Variants in TCERG1L observed in about 807,000 individuals in gnomAD.
The protein encoded by TCERG1L is transcription elongation regulator 1 like, also known as transcription elongation regulator 1-like protein.
TCERG1L carries 37 observed loss-of-function variants against 56.3 expected under a neutral mutation model. The ratio of observed to expected loss-of-function variants is 0.66; its 90% confidence interval spans 0.51 to 0.87. The LOEUF (loss-of-function observed/expected upper bound fraction) is 0.87. Ranked by LOEUF, TCERG1L falls within the 40% of genes least tolerant of loss-of-function variation. TCERG1L has a pLI of 0.00. For synonymous variants in TCERG1L, 324 were observed against 326.3 expected (o/e 0.99, Z 0.08); for missense variants, 799 against 774.2 (o/e 1.03, Z -0.38).
chr10:131,157,074 A>C (rs1351790234), intron 6 of TCERG1L, among the ~76,000 whole-genome samples: 1 of 152,168 alleles, frequency 6.6e-6, no homozygotes, highest in African/African-American at 2.4e-5. Context: ...ACATCAGAGG[A>C]ATGCACCGTA....
chr10:131,163,152 A>G lies in TCERG1L; in HGVS notation c.1004T>C (p.Val335Ala). ...EDSTARGNRP[V>A]ASTPVPGSPW... is the part of the protein sequence containing the mutation. ...GGATCCGGGCACCGGGGTGGAGGCC[A>G]CTGGCCTGTTGCCTCTGGCTGTGCT... The change falls in exon 6 of 12, where the codon GTG becomes GCG. Residue 335 changes from valine (V) to alanine (A), a missense_variant. Coordinates refer to ENST00000368642, the MANE Select transcript of TCERG1L (RefSeq NM_174937.4). 6.3e-7 allele frequency: 1 copy of G among 1,579,988 alleles called. No individual in the cohort carries two copies. Among genetic ancestry groups the G allele is most frequent in the Non-Finnish European group, 8.6e-7 (1 of 1,162,142 alleles).
chr10:131,264,383 T>C (rs371936813), intron 3 of TCERG1L, among the ~76,000 whole-genome samples: 3 of 152,056 alleles, frequency 2.0e-5, no homozygotes, highest in South Asian at 2.1e-4. Flanking sequence ...GAAGGAAAGG[T>C]TGGATCTCTA....
chr10:131,273,142 T>C (rs1846356283), intron 3 of TCERG1L, among the ~76,000 whole-genome samples: 1 of 152,162 alleles, frequency 6.6e-6, no homozygotes, highest in African/African-American at 2.4e-5. Flanking sequence ...ATCCCTTCCA[T>C]TACCCTGGCC....
chr10:131,249,532 T>C (rs979350701), intron 4 of TCERG1L, among the ~76,000 whole-genome samples: 3 of 152,260 alleles, frequency 2.0e-5, no homozygotes, highest in African/African-American at 4.8e-5. Context: ...TCTCCAGCCA[T>C]GGCAAACGCA....
intron 3 of TCERG1L, among the ~76,000 whole-genome samples, chr10:131,292,143 G>C (rs1036390359): frequency 6.6e-6 from 1 of 152,142 alleles, no homozygotes; most frequent in Admixed American, 6.5e-5. Context: ...AACAGTTTCA[G>C]TAAAACAATA....
chr10:131,177,538 G>C (rs1185145979), intron 4 of TCERG1L, among the ~76,000 whole-genome samples: 1 of 152,230 alleles, frequency 6.6e-6, no homozygotes, highest in African/African-American at 2.4e-5. Context: ...CCCAGCACAG[G>C]GCCATTGCAG....
chr10:131,107,433 A>G (rs1337394331), intron 9 of TCERG1L, among the ~76,000 whole-genome samples: 3 of 152,230 alleles, frequency 2.0e-5, no homozygotes, highest in Admixed American at 2.0e-4. Context: ...ATTACAACTC[A>G]TAATGATAAA....
At chr10:131,137,006 G>T (rs1274243526) in intron 7 of TCERG1L, among the ~76,000 whole-genome samples, 1 of 151,880 alleles carries the variant, frequency 6.6e-6, no homozygotes, top group African/African-American at 2.4e-5. Context: ...CGGGTGTGGT[G>T]GCAGGTGCCT....
chr10:131,135,939 G>C (rs1219537434), intron 7 of TCERG1L, among the ~76,000 whole-genome samples: 1 of 152,202 alleles, frequency 6.6e-6, no homozygotes, highest in Non-Finnish European at 1.5e-5. Flanking sequence ...GCTTTTCAGC[G>C]GCCCCTGGTC....
At position 131,236,597 on chromosome 10, in the gene TCERG1L, T is replaced by G. The variant is rs142993585; in HGVS notation, c.856+23662A>C. 6.2e-3 allele frequency among the ~76,000 whole-genome samples: 947 copies of G among 152,336 alleles called. 6 individuals are homozygous for G. Among genetic ancestry groups the G allele is most frequent in the Non-Finnish European group, 0.011 (745 of 68,030 alleles). ...TGTTTAGATCGTTTGTAGTTAAAAA[T>G]GACATCTATTCGATGACAGCCATCC... On this transcript the variant is annotated intron_variant, in intron 4 of 11. Transcript: ENST00000368642.
At chr10:131,194,030 A>T (rs1229057295) in intron 4 of TCERG1L, among the ~76,000 whole-genome samples, 1 of 152,210 alleles carries the variant, frequency 6.6e-6, no homozygotes, top group Non-Finnish European at 1.5e-5. Context: ...TGGCCATCTC[A>T]CGCACTGTGC....
intron 4 of TCERG1L, among the ~76,000 whole-genome samples, chr10:131,254,192 G>A (rs1233520538): frequency 2.0e-5 from 3 of 152,010 alleles, no homozygotes; most frequent in African/African-American, 7.3e-5. Context: ...GGGACAAATG[G>A]AGGGCTGCTC....
At chr10:131,168,799 G>C (rs759574809) in intron 4 of TCERG1L, among the ~76,000 whole-genome samples, 29 of 151,136 alleles carry the variant, frequency 1.9e-4, no homozygotes, top group Admixed American at 6.6e-4. Context: ...GCCACTTTAC[G>C]AGGGTGTCCA....
At chr10:131,239,017 GC>G (rs1313782295) in intron 4 of TCERG1L, among the ~76,000 whole-genome samples, 2 of 152,172 alleles carry the variant, frequency 1.3e-5, no homozygotes, top group East Asian at 3.9e-4. Flanking sequence ...AAAAGCCAAA[GC>G]CCCAAGTAGC....
chr10:131,120,657 G>C (rs71478072), intron 8 of TCERG1L, among the ~76,000 whole-genome samples: 9,889 of 152,336 alleles, frequency 0.065, 424 homozygotes, highest in Non-Finnish European at 0.1. Flanking sequence ...TACCCAGATG[G>C]ATGGAGGCTC....
At chr10:131,203,959 A>C (rs1158123398) in intron 4 of TCERG1L, among the ~76,000 whole-genome samples, 1 of 152,228 alleles carries the variant, frequency 6.6e-6, no homozygotes, top group East Asian at 1.9e-4. Context: ...AAAACCCCAA[A>C]GTAGGAAGCT....
At chr10:131,249,508 G>C (rs1846082062) in intron 4 of TCERG1L, among the ~76,000 whole-genome samples, 1 of 152,232 alleles carries the variant, frequency 6.6e-6, no homozygotes, top group African/African-American at 2.4e-5. Flanking sequence ...TGAGTCCCTG[G>C]AGGACAGTGG....
chr10:131,126,121 C>T (rs1043793202), intron 8 of TCERG1L, among the ~76,000 whole-genome samples: 3 of 152,220 alleles, frequency 2.0e-5, no homozygotes, highest in African/African-American at 7.2e-5. Context: ...CTGCCCTGCT[C>T]GCTTCACCTC....
intron 3 of TCERG1L, among the ~76,000 whole-genome samples, chr10:131,302,514 G>A (rs1401965606): frequency 2.0e-5 from 3 of 151,738 alleles, no homozygotes; most frequent in East Asian, 1.9e-4. Context: ...ACCTTGAAAC[G>A]GCTCTGCGAG....
Sources: allele counts gnomAD v4.1 joint callset (sites outside exome capture counted in the v4.1 genomes callset), GRCh38; gene constraint gnomAD v4.1.1; transcripts MANE v1.5; gene names NCBI Gene and HGNC (gene_info 2026-07-23, HGNC 2026-07-21).